Variants in GALP observed in about 807,000 individuals in gnomAD.
The protein encoded by GALP is galanin-like peptide.
Under a neutral mutation model 15.2 loss-of-function variants are expected in GALP, and 12 were observed. The ratio of observed to expected loss-of-function variants is 0.79; its 90% CI spans 0.51 to 1.28. The LOEUF is 1.28. Among genes scored for constraint, GALP ranks in the 50% most tolerant of loss-of-function variants. GALP has a pLI of 0.00. For missense variants in GALP, 161 were observed against 145.6 expected, an observed-to-expected ratio of 1.11 and a Z score of -0.55; for synonymous variants, 58 against 55.1, an observed-to-expected ratio of 1.05 and a Z score of -0.23.
intron 4 of GALP, 110 bp downstream of exon 4, chr19:56,182,362 A>AT: frequency 1.4e-6 from 1 of 736,846 alleles, no homozygotes; most frequent in Non-Finnish European, 2.3e-6. Context: ...GCCGCTTACT[A>AT]TTTGGGGGGC....
At chr19:56,182,733 T>C (rs151245481) in intron 4 of GALP, among the ~76,000 whole-genome samples, 6 of 152,260 alleles carry the variant, frequency 3.9e-5, no homozygotes, top group Admixed American at 2.0e-4. Context: ...AAATTTTGCA[T>C]TTTTAGTAGA....
Position 56,181,668 on chromosome 19 carries a change from A to G in GALP, c.137-504A>G, listed in dbSNP as rs141729971. On this transcript the variant is annotated intron_variant, in intron 3 of 5. Coordinates refer to ENST00000357330, the MANE Select transcript of GALP (RefSeq NM_033106.4). ...GGTGATCCGCCCGCCTCAGCCTCCC[A>G]AACTGCTGGGATTATAGGCGTGAGC... Among the ~76,000 whole-genome samples, 782 of 152,054 alleles carry G rather than the reference A, an allele frequency of 5.1e-3. 8 individuals carry two copies. Among genetic ancestry groups the G allele is most frequent in the African/African-American group, 0.018 (757 of 41,512 alleles).
chr19:56,176,237 C>G (rs13346680), intron 1 of GALP, among the ~76,000 whole-genome samples, 175 bp downstream of exon 1: 2,402 of 31,338 alleles, frequency 0.077, 2 homozygotes, highest in East Asian at 0.095. Context: ...CAGGAGGGCA[C>G]AGGGGCGGAT....
chr19:56,179,674 C>T lies in GALP; in HGVS notation c.88-912C>T, dbSNP rs569278522. On this transcript the variant is annotated intron_variant, in intron 2 of 5. Coordinates refer to ENST00000357330, the MANE Select transcript of GALP (RefSeq NM_033106.4). ...TTTTTTTTTCTTTGAGACAGAGTCT[C>T]GCTCTGTCACCCAGGCTGGAGTGCA... 3.3e-3 allele frequency among the ~76,000 whole-genome samples: 488 copies of T among 149,332 alleles called. 3 individuals are homozygous for T. Among genetic ancestry groups the T allele is most frequent in the Non-Finnish European group, 5.4e-3 (367 of 67,562 alleles).
At chr19:56,180,975 T>A (rs1308280509) in intron 3 of GALP, among the ~76,000 whole-genome samples, 1 of 141,168 alleles carries the variant, frequency 7.1e-6, no homozygotes, top group Non-Finnish European at 1.5e-5. Flanking sequence ...TGGAGTGCAA[T>A]GGTGAATGGT....
At chr19:56,176,621 C>A (rs1031692948) in intron 1 of GALP, among the ~76,000 whole-genome samples, 3 of 135,490 alleles carry the variant, frequency 2.2e-5, no homozygotes, top group African/African-American at 8.3e-5. Flanking sequence ...GGGTGAGAGC[C>A]TAGGCCAGGA....
intron 3 of GALP, among the ~76,000 whole-genome samples, chr19:56,181,440 G>A (rs2122168075): frequency 1.1e-5 from 1 of 87,702 alleles, no homozygotes; most frequent in African/African-American, 4.7e-5. Flanking sequence ...GTTTCGCCTT[G>A]TTATCTAGGC....
intron 5 of GALP, among the ~76,000 whole-genome samples, chr19:56,184,216 A>G (rs1189695302): frequency 6.6e-6 from 1 of 152,108 alleles, no homozygotes; most frequent in Non-Finnish European, 1.5e-5. Context: ...TTGGCCTCCC[A>G]AAGTGCTAGG....
intron 2 of GALP, among the ~76,000 whole-genome samples, chr19:56,179,080 G>C (rs920308024): frequency 6.6e-6 from 1 of 152,076 alleles, no homozygotes; most frequent in Non-Finnish European, 1.5e-5. Context: ...AGGAGGCTGA[G>C]GCAGGAGAAT....
intron 2 of GALP, 149 bp downstream of exon 2, chr19:56,177,344 C>G (rs2032482609): frequency 1.8e-5 from 12 of 680,856 alleles, no homozygotes; most frequent in Non-Finnish European, 2.8e-5. Context: ...TTGCGTGTCT[C>G]TACTAAAAAC....
chr19:56,176,096 A>C (rs796872932), intron 1 of GALP, 34 bp downstream of exon 1: 1,922 of 154,712 alleles, frequency 0.012, 35 homozygotes, highest in East Asian at 0.087. Context: ...AGAGGGGCGG[A>C]TCCCAGCTGC....
intron 2 of GALP, among the ~76,000 whole-genome samples, chr19:56,177,576 G>A (rs2032488005): frequency 6.6e-6 from 1 of 151,154 alleles, no homozygotes; most frequent in Non-Finnish European, 1.5e-5. Context: ...TTGAACTCCT[G>A]ACCTCCTGGC....
chr19:56,180,911 CTTTCTTTT>C (rs1477519508), intron 3 of GALP, among the ~76,000 whole-genome samples: 21 of 90,690 alleles, frequency 2.3e-4, no homozygotes, highest in East Asian at 5.1e-4. Flanking sequence ...TTCTTTCTTT[CTTTCTTTT>C]TTTTTTTTTT....
At chr19:56,180,513 A>C in intron 2 of GALP, 73 bp from the exon 3 acceptor site, 8 of 1,291,388 alleles carry the variant, frequency 6.2e-6, no homozygotes, top group Non-Finnish European at 9.0e-6. Context: ...GACGACCCAC[A>C]TCACCCCGGA....
intron 1 of GALP, among the ~76,000 whole-genome samples, chr19:56,176,544 G>A (rs1458652890): frequency 2.3e-5 from 3 of 128,430 alleles, no homozygotes; most frequent in East Asian, 2.6e-4. Flanking sequence ...GCAGAGGGGC[G>A]GATGCCAGCT....
chr19:56,176,596 A>C (rs78540044), intron 1 of GALP, among the ~76,000 whole-genome samples: 5,109 of 113,164 alleles, frequency 0.045, 264 homozygotes, highest in East Asian at 0.25. Context: ...AGAGGGGTGG[A>C]TGCCAGCTGC....
intron 4 of GALP, 124 bp from the exon 5 acceptor site, chr19:56,183,011 C>T (rs1232395041): frequency 4.4e-6 from 3 of 685,224 alleles, no homozygotes; most frequent in Non-Finnish European, 5.3e-6. Context: ...CCCTCCTCCC[C>T]CTGCTCCACC....
At chr19:56,178,518 C>CAAA (rs1327459817) in intron 2 of GALP, among the ~76,000 whole-genome samples, 1 of 57,396 alleles carries the variant, frequency 1.7e-5, no homozygotes, top group African/African-American at 1.0e-4. Flanking sequence ...CTAACAACAA[C>CAAA]AACAAAAAAA....
intron 4 of GALP, 101 bp from the exon 5 acceptor site, chr19:56,183,034 C>A: frequency 6.3e-6 from 5 of 797,710 alleles, no homozygotes; most frequent in Middle Eastern, 2.6e-4. Context: ...CGGGAAGGAC[C>A]CAGTGTCTCT....
Sources: allele counts gnomAD v4.1 joint callset (sites outside exome capture counted in the v4.1 genomes callset), GRCh38; gene constraint gnomAD v4.1.1; transcripts MANE v1.5; gene names NCBI Gene and HGNC (gene_info 2026-07-23, HGNC 2026-07-21).